Variants in GALNT7 observed in about 807,000 individuals in gnomAD.
GALNT7 encodes N-acetylgalactosaminyltransferase 7.
In GALNT7, 60 loss-of-function variants were observed where a neutral mutation model predicts 82.1. The observed-to-expected ratio is 0.73, with a 90% confidence interval of 0.59 to 0.91. The LOEUF is 0.91. Ranked by LOEUF, GALNT7 falls within the 40% of genes least tolerant of loss-of-function variation. GALNT7 has a pLI of 0.00. For synonymous variants in GALNT7, 243 were observed against 275.1 expected, an observed-to-expected ratio of 0.88 and a Z score of 1.15; for missense variants, 660 against 804.2, an observed-to-expected ratio of 0.82 and a Z score of 2.17.
intron 1 of GALNT7, among the ~76,000 whole-genome samples, chr4:173,234,630 A>T (rs1734153164): frequency 6.6e-6 from 1 of 152,172 alleles, no homozygotes; most frequent in Admixed American, 6.5e-5. Flanking sequence ...CTATAATTTG[A>T]ATGTCTGTCC....
intron 2 of GALNT7, among the ~76,000 whole-genome samples, chr4:173,271,824 T>C (rs1735737979): frequency 6.6e-6 from 1 of 152,238 alleles, no homozygotes. Flanking sequence ...ATATTATTTC[T>C]AAAATTTTAT....
chr4:173,259,061 C>T (rs1466495850), intron 2 of GALNT7, among the ~76,000 whole-genome samples: 9 of 152,190 alleles, frequency 5.9e-5, no homozygotes, highest in Non-Finnish European at 1.3e-4. Context: ...TCCGCTTCCA[C>T]CTCCCTAGTT....
chr4:173,281,702 G>T (rs1013872525), intron 2 of GALNT7, among the ~76,000 whole-genome samples: 1 of 152,182 alleles, frequency 6.6e-6, no homozygotes, highest in Non-Finnish European at 1.5e-5. Context: ...TCCAAAGCTG[G>T]GAAATGGAGG....
chr4:173,169,185 C>A, intron 1 of GALNT7: 1 of 183,840 alleles, frequency 5.4e-6, no homozygotes, highest in South Asian at 1.8e-4. Context: ...CTCCGCTCTT[C>A]CCCGCCCCGG....
chr4:173,281,338 A>C (rs1736101173), intron 2 of GALNT7, among the ~76,000 whole-genome samples: 1 of 152,126 alleles, frequency 6.6e-6, no homozygotes, highest in Non-Finnish European at 1.5e-5. Context: ...CACCAGACCC[A>C]CTATGGGGAC....
chr4:173,302,201 C>A lies in GALNT7; in HGVS notation c.1266+37C>A. ...TTTCAACAGATGGAATTCTCCAAGT[C>A]GTTACTAACTTCTGTGGCTTTCAGA... On this transcript the variant is annotated intron_variant, in intron 7 of 11. Transcript: ENST00000265000. This position sits in a 1 kb window ranked among gnomAD's most constrained non-coding sequence, Gnocchi z 4.2. The A allele has an allele frequency of 3.3e-6, 3 of 918,854 alleles. No individual in the cohort carries two copies. The highest frequency in any genetic ancestry group is 2.7e-5 in the South Asian group (2 of 75,432). 56.9% of individuals were successfully genotyped at this position (918,854 alleles called of 1,614,324 possible).
chr4:173,170,035 G>T (rs989712822), intron 1 of GALNT7, among the ~76,000 whole-genome samples: 4 of 152,176 alleles, frequency 2.6e-5, no homozygotes, highest in African/African-American at 9.6e-5. Flanking sequence ...TAGTTACCCG[G>T]AGCCGCGCCG....
intron 1 of GALNT7, chr4:173,169,220 C>G (rs967117591): frequency 1.3e-5 from 2 of 151,332 alleles, no homozygotes; most frequent in African/African-American, 4.9e-5. Flanking sequence ...ACCCGCGCTG[C>G]CGCGGCAGCG....
intron 1 of GALNT7, among the ~76,000 whole-genome samples, chr4:173,210,066 C>T (rs1733224603): frequency 6.6e-6 from 1 of 151,618 alleles, no homozygotes; most frequent in African/African-American, 2.4e-5. Context: ...CCCGGGAGGC[C>T]GAGGTTGCAG....
intron 2 of GALNT7, among the ~76,000 whole-genome samples, chr4:173,270,685 A>C (rs1413054386): frequency 6.6e-6 from 1 of 152,258 alleles, no homozygotes; most frequent in East Asian, 1.9e-4. Flanking sequence ...TATTTGGAAC[A>C]TTATACTGGA....
chr4:173,288,155 C>T (rs1333822592), intron 2 of GALNT7, among the ~76,000 whole-genome samples: 1 of 150,584 alleles, frequency 6.6e-6, no homozygotes, highest in Admixed American at 6.6e-5. Context: ...TGGTAGCGGG[C>T]GCCTGTAGTC....
intron 1 of GALNT7, among the ~76,000 whole-genome samples, chr4:173,188,692 T>G (rs1326409803): frequency 6.6e-6 from 1 of 152,296 alleles, no homozygotes; most frequent in Non-Finnish European, 1.5e-5. Flanking sequence ...GAGGCCTTCC[T>G]TTCATGTTCA....
chr4:173,210,600 A>G (rs978659597), intron 1 of GALNT7, among the ~76,000 whole-genome samples: 1 of 151,710 alleles, frequency 6.6e-6, no homozygotes, highest in Non-Finnish European at 1.5e-5. Context: ...ACTACAGGCT[A>G]AATTTTTTTT....
intron 1 of GALNT7, among the ~76,000 whole-genome samples, chr4:173,176,528 A>G (rs563839284): frequency 5.3e-5 from 8 of 152,286 alleles, no homozygotes; most frequent in African/African-American, 1.9e-4. Context: ...ATGAGTAATA[A>G]CCCTTTTTGG....
chr4:173,287,292 T>C (rs1001866987), intron 2 of GALNT7, among the ~76,000 whole-genome samples: 1 of 152,230 alleles, frequency 6.6e-6, no homozygotes, highest in African/African-American at 2.4e-5. Flanking sequence ...CCATTTATGG[T>C]CCTCCAAGGG....
intron 1 of GALNT7, among the ~76,000 whole-genome samples, chr4:173,178,631 C>T (rs903826932): frequency 6.6e-6 from 1 of 152,210 alleles, no homozygotes; most frequent in Admixed American, 6.5e-5. Context: ...TTTAAACATG[C>T]CGACAGGGAG....
chr4:173,292,310 T>C lies in GALNT7; in HGVS notation c.754+36T>C, dbSNP rs778301724. The C allele has an allele frequency of 5.2e-6, 7 of 1,334,122 alleles. No individual in the cohort carries two copies. Among genetic ancestry groups the C allele is most frequent in the South Asian group, 1.4e-5 (1 of 73,154 alleles). 82.6% of individuals were successfully genotyped at this position (1,334,122 alleles called of 1,614,324 possible). On this transcript the variant is annotated intron_variant, in intron 3 of 11. Transcript: ENST00000265000. The surrounding 1 kb of genome is among the most constrained non-coding windows in gnomAD (Gnocchi z 4.8). Reference sequence around the variant, plus strand: ...TGAAACTCACATTTTGTCTATAAAATAAGTTAAGCATGAATAATTGCAAAA... The same window carrying C: ...TGAAACTCACATTTTGTCTATAAAACAAGTTAAGCATGAATAATTGCAAAA...
rs538724452 is a variant in GALNT7 at position 173,203,338 on chromosome 4, G to A, written c.126+34377G>A. Among the ~76,000 whole-genome samples the A allele has an allele frequency of 9.9e-5, 15 of 152,258 alleles. 1 individual carries two copies. In the South Asian group the frequency reaches 2.3e-3, roughly 23 times the overall value. On this transcript the variant is annotated intron_variant, in intron 1 of 11. Transcript: ENST00000265000. ...GATCTCCTGACTTTGTGATCCTCCC[G>A]CCTCGGCCTCCCAAAGTGCCGGGAT...
intron 1 of GALNT7, among the ~76,000 whole-genome samples, chr4:173,178,665 A>G (rs1255596094): frequency 6.6e-6 from 1 of 152,218 alleles, no homozygotes; most frequent in African/African-American, 2.4e-5. Context: ...CACTGAATAC[A>G]AGAACTGGTA....
Sources: gnomAD v4.1 joint callset for allele counts (sites outside exome capture counted in the v4.1 genomes callset) on GRCh38, gnomAD v4.1.1 for gene constraint, Gnocchi (gnomAD v3.1) non-coding constraint, MANE v1.5 for transcripts, NCBI Gene and HGNC (gene_info 2026-07-23, HGNC 2026-07-21) for gene names.